Variants in PPM1L observed in about 807,000 individuals in gnomAD.
PPM1L encodes protein phosphatase, Mg2+/Mn2+ dependent 1L, also known as protein phosphatase 1L.
Under a neutral mutation model 31.4 loss-of-function variants are expected in PPM1L, and 13 were observed. That is an observed-to-expected ratio of 0.41 (90% CI 0.27 to 0.66). The LOEUF (loss-of-function observed/expected upper bound fraction) is 0.66, where lower values mean the gene tolerates loss of function less well. Among genes scored for constraint, PPM1L ranks in the 30% least tolerant of loss-of-function variants. The probability of loss-of-function intolerance (pLI) is 0.29; values close to 1 mark genes in which losing one functional copy is unlikely to be tolerated. For missense variants in PPM1L, 326 were observed against 453.7 expected, an observed-to-expected ratio of 0.72 and a Z score of 2.56; for synonymous variants, 184 against 175.4, an observed-to-expected ratio of 1.05 and a Z score of -0.39.
intron 2 of PPM1L, among the ~76,000 whole-genome samples, chr3:161,053,135 G>A (rs890604144): frequency 6.6e-6 from 1 of 152,154 alleles, no homozygotes; most frequent in Admixed American, 6.5e-5. Context: ...AAGAATCAAA[G>A]CAACCATGAA....
intron 1 of PPM1L, among the ~76,000 whole-genome samples, chr3:160,769,715 A>G (rs1715199191): frequency 6.6e-6 from 1 of 151,882 alleles, no homozygotes; most frequent in African/African-American, 2.4e-5. Context: ...ATCCATTTTT[A>G]CTTTACTATC....
chr3:160,846,805 G>A lies in PPM1L; in HGVS notation c.399+90098G>A, dbSNP rs1013633800. ...TGCTTCTTTTTAATATGTTCACAAAGTTGTGCAACTGTTACCCCTATCTAA... is the reference window on the plus strand; with the variant it reads ...TGCTTCTTTTTAATATGTTCACAAAATTGTGCAACTGTTACCCCTATCTAA... On this transcript the variant is annotated intron_variant, in intron 1 of 3. Coordinates refer to ENST00000498165, the MANE Select transcript of PPM1L (RefSeq NM_139245.4). Among the ~76,000 whole-genome samples the A allele has an allele frequency of 2.0e-5, 3 of 152,212 alleles. No individual in the cohort carries two copies. In the East Asian group the frequency reaches 5.8e-4, roughly 29 times the overall value.
At chr3:160,825,486 G>C (rs535459364) in intron 1 of PPM1L, among the ~76,000 whole-genome samples, 2 of 152,068 alleles carry the variant, frequency 1.3e-5, no homozygotes, top group Non-Finnish European at 2.9e-5. Flanking sequence ...AATGCCAAGT[G>C]CTCCCATGCA....
intron 1 of PPM1L, among the ~76,000 whole-genome samples, chr3:160,852,341 A>G (rs1455160989): frequency 6.6e-6 from 1 of 152,228 alleles, no homozygotes; most frequent in African/African-American, 2.4e-5. Context: ...CCTCACTCCA[A>G]AAGCAATTAA....
chr3:160,773,649 T>C (rs1711502809), intron 1 of PPM1L, among the ~76,000 whole-genome samples: 1 of 152,200 alleles, frequency 6.6e-6, no homozygotes. Flanking sequence ...TTTAGAAAAG[T>C]GCAGAGGGTA....
chr3:160,913,993 A>G (rs1471766782), intron 1 of PPM1L, among the ~76,000 whole-genome samples: 1 of 152,222 alleles, frequency 6.6e-6, no homozygotes, highest in Non-Finnish European at 1.5e-5. Flanking sequence ...TTAGCTTTAT[A>G]ACAAACTGAC....
chr3:160,996,607 GA>G (rs1223628220), intron 2 of PPM1L, among the ~76,000 whole-genome samples: 2 of 152,120 alleles, frequency 1.3e-5, no homozygotes, highest in African/African-American at 4.8e-5. Flanking sequence ...AAAGACATAA[GA>G]ATGATACAGA....
intron 2 of PPM1L, among the ~76,000 whole-genome samples, chr3:161,022,857 G>C (rs1280329192): frequency 6.6e-6 from 1 of 151,584 alleles, no homozygotes; most frequent in African/African-American, 2.4e-5. Flanking sequence ...GTAGAGATGG[G>C]GTTTCACTGT....
chr3:160,852,805 T>G (rs1427854757), intron 1 of PPM1L, among the ~76,000 whole-genome samples: 1 of 152,358 alleles, frequency 6.6e-6, no homozygotes, highest in African/African-American at 2.4e-5. Flanking sequence ...TTTATAACAC[T>G]GTATTTTATT....
At chr3:160,767,545 A>G (rs74752517) in intron 1 of PPM1L, among the ~76,000 whole-genome samples, 1 of 152,112 alleles carries the variant, frequency 6.6e-6, no homozygotes, top group South Asian at 2.1e-4. Flanking sequence ...TGTGTGTCTT[A>G]GTTTCTAAAT....
At position 160,912,696 on chromosome 3, in the gene PPM1L, C is replaced by T. The variant is rs190991484; in HGVS notation, c.400-49040C>T. Among the ~76,000 whole-genome samples the T allele has an allele frequency of 1.6e-4, 25 of 152,120 alleles. No homozygotes were observed. In the East Asian group the frequency reaches 2.5e-3, roughly 15 times the overall value. ...TGTCATGTAGAAATTGATGAAGAAG[C>T]GATAATTATAGCAGATTCATTGATA... On this transcript the variant is annotated intron_variant, in intron 1 of 3. Transcript: ENST00000498165.
intron 2 of PPM1L, among the ~76,000 whole-genome samples, chr3:161,017,916 A>G (rs1405789493): frequency 6.6e-6 from 1 of 152,192 alleles, no homozygotes; most frequent in Non-Finnish European, 1.5e-5. Flanking sequence ...ATTTGAGTTT[A>G]CACTAGAGGT....
At chr3:161,045,812 C>G (rs1034246512) in intron 2 of PPM1L, among the ~76,000 whole-genome samples, 2 of 151,994 alleles carry the variant, frequency 1.3e-5, no homozygotes, top group African/African-American at 4.8e-5. Context: ...ACAAAAAACC[C>G]TTCAAAAAAT....
intron 2 of PPM1L, among the ~76,000 whole-genome samples, chr3:161,038,101 G>T: frequency 6.6e-6 from 1 of 151,244 alleles, no homozygotes; most frequent in South Asian, 2.1e-4. Flanking sequence ...GGGCGTAGTG[G>T]CGGGCGCCTG....
chr3:160,938,445 A>G (rs911521741), intron 1 of PPM1L, among the ~76,000 whole-genome samples: 2 of 152,170 alleles, frequency 1.3e-5, no homozygotes, highest in African/African-American at 2.4e-5. Context: ...TAGCTGCAAA[A>G]TAGATTGTCA....
At chr3:161,014,020 A>G (rs1247340131) in intron 2 of PPM1L, among the ~76,000 whole-genome samples, 1 of 152,186 alleles carries the variant, frequency 6.6e-6, no homozygotes, top group Non-Finnish European at 1.5e-5. Context: ...TAGCCCATTT[A>G]CATTTAAGGT....
At chr3:160,931,343 A>C (rs1433671812) in intron 1 of PPM1L, among the ~76,000 whole-genome samples, 2 of 152,212 alleles carry the variant, frequency 1.3e-5, no homozygotes, top group Non-Finnish European at 2.9e-5. Context: ...AGAGAACAGG[A>C]GAGATCAAAT....
chr3:160,856,517 G>C (rs531984560), intron 1 of PPM1L, among the ~76,000 whole-genome samples: 1 of 152,284 alleles, frequency 6.6e-6, no homozygotes, highest in African/African-American at 2.4e-5. Flanking sequence ...CAGCATGGAT[G>C]GTGCTGGAGG....
At chr3:160,800,601 G>A (rs902090715) in intron 1 of PPM1L, among the ~76,000 whole-genome samples, 3 of 152,114 alleles carry the variant, frequency 2.0e-5, no homozygotes, top group African/African-American at 7.2e-5. Context: ...TGAATAGCAT[G>A]TAATATTTTA....
Sources: allele counts gnomAD v4.1 joint callset (sites outside exome capture counted in the v4.1 genomes callset), GRCh38; gene constraint gnomAD v4.1.1; transcripts MANE v1.5; gene names NCBI Gene and HGNC (gene_info 2026-07-23, HGNC 2026-07-21).